NCKAP5: variants seen among roughly 807,000 people sequenced by gnomAD.
NCKAP5 encodes the protein nck-associated protein 5.
In NCKAP5, 92 loss-of-function variants were observed where a neutral mutation model predicts 167.0. That is an observed-to-expected ratio of 0.55 (90% CI 0.47 to 0.66). The LOEUF (loss-of-function observed/expected upper bound fraction) is 0.66. Ranked by LOEUF, NCKAP5 falls within the 30% of genes least tolerant of loss-of-function variation. The pLI, the probability that NCKAP5 is intolerant of heterozygous loss-of-function variation, is 0.00. For synonymous variants in NCKAP5, 891 were observed against 877.4 expected (o/e 1.02, Z -0.27); for missense variants, 2,378 against 2,315.0 (o/e 1.03, Z -0.56).
At chr2:133,079,627 A>G (rs1040298215) in intron 6 of NCKAP5, among the ~76,000 whole-genome samples, 1 of 152,192 alleles carries the variant, frequency 6.6e-6, no homozygotes, top group African/African-American at 2.4e-5. Context: ...ACTATGAAAT[A>G]CAAAAGCAAA....
intron 19 of NCKAP5, among the ~76,000 whole-genome samples, chr2:132,678,160 C>A (rs1351318605): frequency 6.6e-6 from 1 of 151,958 alleles, no homozygotes; most frequent in Non-Finnish European, 1.5e-5. Context: ...AAGTGATAAA[C>A]CAGCAAAAAA....
intron 8 of NCKAP5, among the ~76,000 whole-genome samples, chr2:132,895,224 T>C (rs916656009): frequency 4.6e-5 from 7 of 151,300 alleles, no homozygotes; most frequent in Non-Finnish European, 8.8e-5. Context: ...CCAGCTACTC[T>C]GGAGGCTGAG....
At chr2:132,771,314 G>GA (rs902109899) in intron 16 of NCKAP5, among the ~76,000 whole-genome samples, 4 of 151,656 alleles carry the variant, frequency 2.6e-5, no homozygotes, top group African/African-American at 7.3e-5. Context: ...TTTAAAATGG[G>GA]AAAAAAAATT....
At chr2:133,205,005 C>G (rs2085879952) in intron 5 of NCKAP5, among the ~76,000 whole-genome samples, 1 of 152,070 alleles carries the variant, frequency 6.6e-6, no homozygotes, top group Non-Finnish European at 1.5e-5. Flanking sequence ...ATTGTCACAG[C>G]AAGCCAGGCA....
chr2:133,119,480 G>GT (rs2082187065), intron 6 of NCKAP5, among the ~76,000 whole-genome samples: 2 of 152,092 alleles, frequency 1.3e-5, no homozygotes, highest in Non-Finnish European at 2.9e-5. Context: ...GATCAGTAGG[G>GT]TAAATATAGT....
At chr2:133,473,648 G>A (rs1328721865) in intron 3 of NCKAP5, among the ~76,000 whole-genome samples, 1 of 152,196 alleles carries the variant, frequency 6.6e-6, no homozygotes, top group Non-Finnish European at 1.5e-5. Flanking sequence ...TATCCTTCCA[G>A]CCTTACTTTG....
At chr2:133,628,505 A>T in the NCKAP5 span, among the ~76,000 whole-genome samples, 1 of 152,194 alleles carries the variant, frequency 6.6e-6, no homozygotes, top group Non-Finnish European at 1.5e-5. Flanking sequence ...GACAGAAACA[A>T]CTGGAAAAAC....
At chr2:133,443,349 A>T (rs1280308966) in intron 3 of NCKAP5, among the ~76,000 whole-genome samples, 2 of 152,168 alleles carry the variant, frequency 1.3e-5, no homozygotes, top group Non-Finnish European at 2.9e-5. Flanking sequence ...GACATTAGTG[A>T]AACAAAACAA....
intron 6 of NCKAP5, among the ~76,000 whole-genome samples, chr2:133,098,236 A>T (rs2081402762): frequency 6.6e-6 from 1 of 152,236 alleles, no homozygotes; most frequent in Admixed American, 6.5e-5. Flanking sequence ...AGTTTCTGCA[A>T]CATCTGCAAA....
At chr2:133,435,108 G>A (rs1690391301) in intron 3 of NCKAP5, among the ~76,000 whole-genome samples, 1 of 152,182 alleles carries the variant, frequency 6.6e-6, no homozygotes, top group African/African-American at 2.4e-5. Context: ...GATAGGTCAA[G>A]ATTAAGTGAA....
the NCKAP5 span, among the ~76,000 whole-genome samples, chr2:133,588,887 G>A: frequency 6.6e-6 from 1 of 152,164 alleles, no homozygotes; most frequent in Non-Finnish European, 1.5e-5. Context: ...GGCCCGAGAT[G>A]ATCATCTGTT....
chr2:133,405,155 G>A (rs914449977), intron 3 of NCKAP5, among the ~76,000 whole-genome samples: 22 of 152,270 alleles, frequency 1.4e-4, no homozygotes, highest in East Asian at 7.7e-4. Context: ...ACTGAGTTAC[G>A]TTTCTCTGAG....
At chr2:133,406,414 G>A (rs1688432819) in intron 3 of NCKAP5, among the ~76,000 whole-genome samples, 1 of 152,140 alleles carries the variant, frequency 6.6e-6, no homozygotes, top group African/African-American at 2.4e-5. Flanking sequence ...ACTGCAGTAG[G>A]TGAGAAGAGA....
chr2:133,296,169 T>G (rs1019758973), intron 4 of NCKAP5, among the ~76,000 whole-genome samples: 2 of 152,088 alleles, frequency 1.3e-5, no homozygotes, highest in African/African-American at 4.8e-5. Flanking sequence ...GTATTTGAGG[T>G]GTTTTTCAGA....
At chr2:132,712,420 G>A (rs892719704) in intron 19 of NCKAP5, among the ~76,000 whole-genome samples, 1 of 152,140 alleles carries the variant, frequency 6.6e-6, no homozygotes, top group African/African-American at 2.4e-5. Context: ...GGGAGGCCAA[G>A]GGGGGCGGAT....
chr2:132,816,120 GA>G lies in NCKAP5; in HGVS notation c.808-19392del, dbSNP rs571107084. ...AATACTAGCTCACAGGGGCTTACCG[GA>G]AATTTCAAATTCAAGAGATGGAGCT... On this transcript the variant is annotated intron_variant, in intron 11 of 19. Transcript: ENST00000409261. Among the ~76,000 whole-genome samples the G allele has an allele frequency of 6.6e-5, 10 of 152,222 alleles. 1 individual carries two copies. In the East Asian group the frequency reaches 1.9e-3, roughly 30 times the overall value.
intron 19 of NCKAP5, among the ~76,000 whole-genome samples, chr2:132,680,270 C>T (rs72985901): frequency 0.028 from 4,234 of 152,280 alleles, 188 homozygotes; most frequent in African/African-American, 0.096. Context: ...TCCAACCACA[C>T]TCACGGAGAT....
intron 6 of NCKAP5, among the ~76,000 whole-genome samples, chr2:133,098,052 C>T (rs6430393): frequency 0.051 from 7,774 of 152,194 alleles, 643 homozygotes; most frequent in African/African-American, 0.17. Context: ...GAAAACACAT[C>T]AATTTGTTTT....
chr2:133,594,051 C>G, the NCKAP5 span, among the ~76,000 whole-genome samples: 1 of 152,228 alleles, frequency 6.6e-6, no homozygotes, highest in Admixed American at 6.5e-5. Flanking sequence ...TTCTACAACT[C>G]CAATTAGTAA....
Sources: gnomAD v4.1 joint callset for allele counts (sites outside exome capture counted in the v4.1 genomes callset) on GRCh38, gnomAD v4.1.1 for gene constraint, MANE v1.5 for transcripts, NCBI Gene and HGNC (gene_info 2026-07-23, HGNC 2026-07-21) for gene names.